The following STAT6 variants were observed in gnomAD, a reference collection of about 807,000 sequenced individuals.
STAT6 encodes the protein signal transducer and activator of transcription 6.
A neutral mutation model predicts 106.3 loss-of-function variants in STAT6; 45 were observed. The observed-to-expected ratio is 0.42, with a 90% CI of 0.33 to 0.54. STAT6 has a LOEUF of 0.54. Among genes scored for constraint, STAT6 ranks in the 20% least tolerant of loss-of-function variants. The pLI, the probability that STAT6 is intolerant of heterozygous loss-of-function variation, is 0.06. For missense variants in STAT6, 797 were observed against 1,062.2 expected (o/e 0.75, Z 3.47); for synonymous variants, 413 against 413.6 (o/e 1.00, Z 0.02).
chr12:57,097,428 A>G (rs1592543432), intron 19 of STAT6: 1 of 287,118 alleles, frequency 3.5e-6, no homozygotes, highest in East Asian at 5.9e-5. Context: ...TTGTGTCTTG[A>G]CTAAGTTAAT....
Position 57,107,272 on chromosome 12 carries a change from T to C in STAT6, c.298A>G (p.Arg100Gly). Residue 100 changes from arginine to glycine, a missense_variant, in exon 4 of 22, where the codon AGA becomes GGA. Arg to Gly is a moderately radical substitution (Grantham distance 125, BLOSUM62 -2). Transcript: ENST00000300134. ...TTTTTCTCTCCTTGAAGTATTTGTC[T>C]GAAAGTGGCCACCAGCTTCAGGGGG... ...RDPLKLVATF[R>G]QILQGEKKAV... The C allele has an allele frequency of 6.2e-7, 1 of 1,614,206 alleles. No individual in the cohort carries two copies. Among genetic ancestry groups the C allele is most frequent in the Non-Finnish European group, 8.5e-7 (1 of 1,180,036 alleles).
At chr12:57,098,453 A>G (rs1471907114) in intron 19 of STAT6, 52 bp downstream of exon 19, 6 of 1,567,558 alleles carry the variant, frequency 3.8e-6, no homozygotes, top group Non-Finnish European at 5.3e-6. Flanking sequence ...TAACAATTCA[A>G]ATGCCCACCC....
rs2034202236 is a variant in STAT6 at position 57,105,353 on chromosome 12, G to A, written c.813-14C>T. 2.5e-6 allele frequency: 4 copies of A among 1,612,650 alleles called. No individual in the cohort carries two copies. Among genetic ancestry groups the A allele is most frequent in the East Asian group, 4.5e-5 (2 of 44,856 alleles). ...ACCAGGAAGCAACTGGGAGTGAGGA[G>A]GACACAAGGGGAGTTGGGGGCTAGG... On this transcript the variant is annotated splice_polypyrimidine_tract_variant and intron_variant, in intron 8 of 21. Coordinates refer to ENST00000300134, the MANE Select transcript of STAT6 (RefSeq NM_003153.5).
At chr12:57,109,132 G>A (rs1171675192) in intron 1 of STAT6, among the ~76,000 whole-genome samples, 1 of 152,122 alleles carries the variant, frequency 6.6e-6, no homozygotes. Context: ...AACCTGGGGG[G>A]CGGAGCTTGC....
chr12:57,108,707 A>T (rs910859832), intron 1 of STAT6, among the ~76,000 whole-genome samples: 12 of 152,308 alleles, frequency 7.9e-5, no homozygotes, highest in Middle Eastern at 6.8e-3. Context: ...AAACTTTTTA[A>T]AGCGGTAGGC....
intron 1 of STAT6, among the ~76,000 whole-genome samples, chr12:57,110,769 C>T (rs190640466): frequency 1.5e-3 from 222 of 152,254 alleles, no homozygotes; most frequent in African/African-American, 5.3e-3. Context: ...AGGGGTTTAA[C>T]AAGGATCCAC....
At chr12:57,109,566 T>C (rs987493496) in intron 1 of STAT6, among the ~76,000 whole-genome samples, 2 of 151,664 alleles carry the variant, frequency 1.3e-5, no homozygotes, top group Non-Finnish European at 2.9e-5. Context: ...GGAGGAGACT[T>C]GAAGGAGGAG....
intron 3 of STAT6, 112 bp from the exon 4 acceptor site, chr12:57,107,426 A>C: frequency 2.3e-6 from 3 of 1,311,296 alleles, no homozygotes; most frequent in Non-Finnish European, 3.2e-6. Flanking sequence ...ACAACTGTAG[A>C]CTCCAGAAGT....
chr12:57,099,603 T>C lies in STAT6; in HGVS notation c.1745-163A>G, dbSNP rs775988892. ...CCACTAGTCTCCGTTCCCACAGAGC[T>C]CACAGTGAGAAGGTGAACATTTAGA... On this transcript the variant is annotated intron_variant, in intron 15 of 21. Transcript: ENST00000300134. The surrounding 1 kb of genome is among the most constrained non-coding windows in gnomAD (Gnocchi z 4.7). Among the ~76,000 whole-genome samples, 1 of 152,032 alleles carries C rather than the reference T, an allele frequency of 6.6e-6. No individual in the cohort carries two copies. The highest frequency in any genetic ancestry group is 1.5e-5 in the Non-Finnish European group (1 of 68,000).
intron 11 of STAT6, chr12:57,104,216 T>G: frequency 1.9e-6 from 1 of 525,266 alleles, no homozygotes; most frequent in Non-Finnish European, 3.4e-6. Flanking sequence ...TGTGCGTATG[T>G]ATCATTTAAT....
chr12:57,098,544 G>A lies in STAT6; in HGVS notation c.2120C>T (p.Ser707Phe). The change falls in exon 19 of 22, where the codon TCC becomes TTC. Residue 707 changes from serine (S) to phenylalanine (F), a missense_variant. Physicochemically the swap from Ser to Phe is radical, Grantham distance 155. Transcript: ENST00000300134. ...SHSIPPYQGL[S>F]PEESVNVLSA... ...CAACACGTTGACTGATTCTTCTGGG[G>A]AGAGGCCTTGATACGGGGGGATGGA... 6.2e-7 allele frequency: 1 copy of A among 1,614,200 alleles called. No homozygotes were observed. The highest frequency in any genetic ancestry group is 8.5e-7 in the Non-Finnish European group (1 of 1,180,048).
chr12:57,102,246 A>T (rs1272860112), intron 13 of STAT6, 44 bp downstream of exon 13: 1 of 1,602,648 alleles, frequency 6.2e-7, no homozygotes, highest in Admixed American at 1.7e-5. Flanking sequence ...TGCCCCAGGG[A>T]TGAAGAGCTT....
At position 57,095,500 on chromosome 12, in the gene STAT6, G is replaced by C. The variant is rs2033346899; in HGVS notation, c.*1072C>G. On this transcript the variant is annotated 3_prime_UTR_variant, in exon 22 of 22. Coordinates refer to ENST00000300134, the MANE Select transcript of STAT6 (RefSeq NM_003153.5). ...GATCTATGACCCCTGCCTTGAGAGG[G>C]AGAATGGGATAGGGGAGTGAAGGGA... 1 of 152,690 alleles carries C rather than the reference G, an allele frequency of 6.5e-6. No homozygotes were observed. The highest frequency in any genetic ancestry group is 2.4e-5 in the African/African-American group (1 of 41,444). 9.5% of individuals were successfully genotyped at this position (152,690 alleles called of 1,614,324 possible).
chr12:57,106,931 C>T, intron 4 of STAT6, 100 bp from the exon 5 acceptor site: 1 of 1,545,900 alleles, frequency 6.5e-7, no homozygotes, highest in Non-Finnish European at 8.7e-7. Context: ...TCTTGTTCCC[C>T]TCTCCCCTTT....
At position 57,102,964 on chromosome 12, in the gene STAT6, CCTTTTTTTTTTTTTTTTTTTTTTT is replaced by C; in HGVS notation, c.1213-67_1213-44del. 4 of 279,908 alleles carry C rather than the reference CCTTTTTTTTTTTTTTTTTTTTTTT, an allele frequency of 1.4e-5. No individual in the cohort carries two copies. The South Asian group carries it at 1.6e-4, about 11-fold the overall frequency. 17.3% of individuals were successfully genotyped at this position (279,908 alleles called of 1,614,324 possible). ...AGGGGTTTCTTTTCTTTCTTTCTTT[CCTTTTTTTTTTTTTTTTTTTTTTT>C]TTTTTTTTTTTTTTTTTTTTTTTTT... On this transcript the variant is annotated intron_variant, in intron 11 of 21. Coordinates refer to ENST00000300134, the MANE Select transcript of STAT6 (RefSeq NM_003153.5).
intron 19 of STAT6, 162 bp from the exon 20 acceptor site, chr12:57,097,295 T>C: frequency 2.1e-6 from 1 of 486,056 alleles, no homozygotes; most frequent in Non-Finnish European, 3.5e-6. Context: ...TCTTCTCATC[T>C]GTAAAATGTG....
At chr12:57,096,821 C>T in intron 21 of STAT6, 29 bp downstream of exon 21, 1 of 1,613,874 alleles carries the variant, frequency 6.2e-7, no homozygotes, top group Non-Finnish European at 8.5e-7. Context: ...TAGATGCCAC[C>T]CAGCCTCCAC....
In STAT6 at chr12:57,098,880, C is replaced by T. The variant is rs201859128; in HGVS notation, c.1978G>A (p.Glu660Lys). The T allele has an allele frequency of 9.4e-5, 152 of 1,613,544 alleles. No individual in the cohort carries two copies. The highest frequency in any genetic ancestry group is 1.2e-4 in the Non-Finnish European group (140 of 1,179,846). ...VERDQPLPTP[E>K]LQMPTMVPSY... The stretch of plus-strand genomic sequence containing the variant: ...GGCACCATGGTAGGCATCTGGAGCT[C>T]TGGGGTAGGAAGTGGTTGGTCCCTG... The change falls in exon 18 of 22, where the codon GAG becomes AAG. Residue 660 changes from glutamate to lysine, a missense_variant. Glu to Lys is a moderately conservative substitution (Grantham distance 56, BLOSUM62 1). Transcript: ENST00000300134.
intron 13 of STAT6, chr12:57,100,934 AAG>A (rs1478146891): frequency 4.4e-6 from 2 of 451,984 alleles, no homozygotes; most frequent in Non-Finnish European, 8.9e-6. Flanking sequence ...ATCTACCTCA[AAG>A]AGATGTTGGG....
Sources: gnomAD v4.1 joint callset for allele counts (sites outside exome capture counted in the v4.1 genomes callset) on GRCh38, gnomAD v4.1.1 for gene constraint, Gnocchi (gnomAD v3.1) non-coding constraint, MANE v1.5 for transcripts, NCBI Gene and HGNC (gene_info 2026-07-23, HGNC 2026-07-21) for gene names.